The following NR3C2 variants were observed in gnomAD, a reference collection of about 807,000 sequenced individuals.
NR3C2 encodes the protein nuclear receptor subfamily 3 group C member 2, also known as mineralocorticoid receptor.
In NR3C2, 15 loss-of-function variants were observed where a neutral mutation model predicts 86.4. The observed-to-expected ratio is 0.17, with a 90% confidence interval of 0.12 to 0.27. The LOEUF (loss-of-function observed/expected upper bound fraction) is 0.27, where lower values mean the gene tolerates loss of function less well. Among genes scored for constraint, NR3C2 ranks in the 10% least tolerant of loss-of-function variants. The pLI, the probability that NR3C2 is intolerant of heterozygous loss-of-function variation, is 1.00. For synonymous variants in NR3C2, 458 were observed against 450.5 expected (o/e 1.02, Z -0.21); for missense variants, 960 against 1,195.6 (o/e 0.80, Z 2.91).
At chr4:148,355,854 A>T (rs905275484) in intron 2 of NR3C2, among the ~76,000 whole-genome samples, 3 of 152,342 alleles carry the variant, frequency 2.0e-5, no homozygotes, top group African/African-American at 7.2e-5. Flanking sequence ...TCGGTTTTGT[A>T]GAACACATCC....
intron 2 of NR3C2, among the ~76,000 whole-genome samples, chr4:148,311,776 T>C (rs1265629767): frequency 2.6e-5 from 4 of 152,240 alleles, no homozygotes; most frequent in African/African-American, 4.8e-5. Context: ...CACTGCACTC[T>C]TGTTTAGTCT....
intron 4 of NR3C2, among the ~76,000 whole-genome samples, chr4:148,187,023 TATATATATATATATATATATAAAG>T (rs1735952416): frequency 1.8e-5 from 2 of 112,820 alleles, no homozygotes; most frequent in Non-Finnish European, 3.6e-5. Flanking sequence ...TATATATATA[TATATATATATATATATATATAAAG>T]AAACTGTGAT....
intron 4 of NR3C2, among the ~76,000 whole-genome samples, chr4:148,186,998 A>ATATG (rs1553994227): frequency 2.5e-4 from 2 of 7,926 alleles, no homozygotes; most frequent in Non-Finnish European, 3.7e-4. Flanking sequence ...GTATGTATGT[A>ATATG]TATATATATA....
chr4:148,360,261 A>C (rs1561063199), intron 2 of NR3C2, among the ~76,000 whole-genome samples: 1 of 152,182 alleles, frequency 6.6e-6, no homozygotes, highest in East Asian at 1.9e-4. Context: ...GACATTATTA[A>C]TTTATATATA....
chr4:148,215,800 G>A (rs1305993538), intron 3 of NR3C2, among the ~76,000 whole-genome samples: 1 of 118,494 alleles, frequency 8.4e-6, no homozygotes, highest in Non-Finnish European at 1.7e-5. Context: ...TTTTTTTTGA[G>A]ATGGAGTCTT....
chr4:148,114,433 AAAG>A (rs1289023909), intron 7 of NR3C2, among the ~76,000 whole-genome samples, 172 bp from the exon 8 acceptor site: 1 of 152,244 alleles, frequency 6.6e-6, no homozygotes, highest in African/African-American at 2.4e-5. Flanking sequence ...ATACATACAC[AAAG>A]AACAACTATT....
intron 6 of NR3C2, among the ~76,000 whole-genome samples, chr4:148,123,249 G>T (rs901498108): frequency 1.3e-5 from 2 of 152,116 alleles, no homozygotes; most frequent in Admixed American, 6.5e-5. Context: ...TGGTCAAACC[G>T]GTTCTCTGCT....
chr4:148,120,765 G>T (rs1408864618), intron 6 of NR3C2, among the ~76,000 whole-genome samples: 1 of 152,162 alleles, frequency 6.6e-6, no homozygotes, highest in East Asian at 1.9e-4. Context: ...CCTTACAGAG[G>T]TCATGGAGCA....
intron 2 of NR3C2, among the ~76,000 whole-genome samples, chr4:148,283,327 T>C (rs1250296033): frequency 6.6e-6 from 1 of 152,196 alleles, no homozygotes; most frequent in Non-Finnish European, 1.5e-5. Context: ...GTGAGGTTTT[T>C]CAAAGGATCA....
intron 7 of NR3C2, among the ~76,000 whole-genome samples, chr4:148,118,803 C>A (rs1245956535): frequency 6.6e-6 from 1 of 152,194 alleles, no homozygotes; most frequent in Non-Finnish European, 1.5e-5. Flanking sequence ...TGACCCACAG[C>A]ACTTTCATTT....
intron 3 of NR3C2, among the ~76,000 whole-genome samples, chr4:148,235,981 C>T (rs1371558092): frequency 3.3e-5 from 5 of 152,210 alleles, no homozygotes; most frequent in South Asian, 2.1e-4. Flanking sequence ...CCTTGGCAGA[C>T]GGCCACTGCC....
intron 2 of NR3C2, among the ~76,000 whole-genome samples, chr4:148,354,084 C>T (rs1236309424): frequency 6.6e-6 from 1 of 152,070 alleles, no homozygotes; most frequent in Non-Finnish European, 1.5e-5. Flanking sequence ...GGTCCTTATA[C>T]ATGGGAATTC....
At chr4:148,276,886 T>C (rs573784723) in intron 2 of NR3C2, among the ~76,000 whole-genome samples, 1 of 152,230 alleles carries the variant, frequency 6.6e-6, no homozygotes, top group Non-Finnish European at 1.5e-5. Flanking sequence ...GATAAATGTC[T>C]TTTATAAAGT....
intron 8 of NR3C2, among the ~76,000 whole-genome samples, chr4:148,113,207 A>G (rs1385611623): frequency 6.6e-6 from 1 of 152,208 alleles, no homozygotes; most frequent in Non-Finnish European, 1.5e-5. Flanking sequence ...GTATTGACAC[A>G]AGACAAGAAA....
intron 4 of NR3C2, among the ~76,000 whole-genome samples, chr4:148,188,916 G>A (rs961966372): frequency 5.4e-5 from 8 of 147,996 alleles, no homozygotes; most frequent in African/African-American, 1.0e-4. Context: ...CTTGTATGCC[G>A]ATTTTGCTGA....
chr4:148,302,424 G>C (rs1381694993), intron 2 of NR3C2, among the ~76,000 whole-genome samples: 1 of 151,874 alleles, frequency 6.6e-6, no homozygotes, highest in Non-Finnish European at 1.5e-5. Flanking sequence ...ACAAAATGTG[G>C]AGCATGTTTG....
At chr4:148,232,551 A>G (rs1395481444) in intron 3 of NR3C2, among the ~76,000 whole-genome samples, 2 of 152,222 alleles carry the variant, frequency 1.3e-5, no homozygotes, top group Non-Finnish European at 2.9e-5. Context: ...GAGTAGATTT[A>G]GCACAATTCG....
intron 3 of NR3C2, among the ~76,000 whole-genome samples, chr4:148,235,598 T>G (rs535518181): frequency 5.9e-5 from 9 of 152,318 alleles, no homozygotes; most frequent in African/African-American, 1.9e-4. Flanking sequence ...AACTGCTTTA[T>G]TGGGCTATAA....
chr4:148,427,506 G>A (rs1749603144), intron 2 of NR3C2, among the ~76,000 whole-genome samples: 2 of 151,768 alleles, frequency 1.3e-5, no homozygotes, highest in Admixed American at 1.3e-4. Context: ...GATGTGGAAG[G>A]TCAGAGTCAA....
Sources: allele counts gnomAD v4.1 joint callset (sites outside exome capture counted in the v4.1 genomes callset), GRCh38; gene constraint gnomAD v4.1.1; transcripts MANE v1.5; gene names NCBI Gene and HGNC (gene_info 2026-07-23, HGNC 2026-07-21).